PDZD2: variants seen among roughly 807,000 people sequenced by gnomAD.
The protein encoded by PDZD2 is PDZ domain containing 2, also known as PDZ domain-containing protein 2.
A neutral mutation model predicts 220.7 loss-of-function variants in PDZD2; 90 were observed. The observed-to-expected ratio is 0.41, with a 90% confidence interval of 0.34 to 0.49. PDZD2 has a LOEUF of 0.49. Ranked by LOEUF, PDZD2 falls within the 20% of genes least tolerant of loss-of-function variation. PDZD2 has a pLI of 0.28. For synonymous variants in PDZD2, 1,375 were observed against 1,450.5 expected (o/e 0.95, Z 1.18); for missense variants, 3,174 against 3,608.5 (o/e 0.88, Z 3.08).
chr5:31,932,158 T>C (rs1745353188), intron 2 of PDZD2, among the ~76,000 whole-genome samples: 1 of 152,236 alleles, frequency 6.6e-6, no homozygotes, highest in Non-Finnish European at 1.5e-5. Context: ...TCCTGTTGTT[T>C]TTAAGACCAT....
At chr5:31,648,392 A>G (rs1254301176) in intron 1 of PDZD2, among the ~76,000 whole-genome samples, 1 of 152,082 alleles carries the variant, frequency 6.6e-6, no homozygotes, top group Non-Finnish European at 1.5e-5. Flanking sequence ...GTCTCAGTAA[A>G]TGGCACCACC....
At chr5:32,051,276 A>G (rs1438058791) in intron 8 of PDZD2, among the ~76,000 whole-genome samples, 1 of 152,056 alleles carries the variant, frequency 6.6e-6, no homozygotes, top group Non-Finnish European at 1.5e-5. Flanking sequence ...AAGGGCAGTA[A>G]CCTTGCCAAG....
intron 2 of PDZD2, among the ~76,000 whole-genome samples, chr5:31,810,545 T>G (rs373028234): frequency 8.4e-4 from 128 of 152,194 alleles, no homozygotes; most frequent in African/African-American, 1.8e-3. Flanking sequence ...GATTACAGGC[T>G]TGAGCCACCA....
chr5:31,986,290 T>C (rs528032230), intron 3 of PDZD2, among the ~76,000 whole-genome samples: 1 of 152,236 alleles, frequency 6.6e-6, no homozygotes, highest in East Asian at 1.9e-4. Flanking sequence ...CATCTGGAAT[T>C]TGCATTCTTT....
rs1187997379 is a variant in PDZD2, at chr5:32,073,950, C to T, written c.2844C>T (p.Ser948=). ...CCAGACAAGCCAGTCTCCCCGGAAG[C>T]CCACAGGCCCTCCGAAACCCTCTCC... ...TVARQASLPG[S]PQALRNPLLR... Residue 948 remains serine, a synonymous_variant, in exon 18 of 25, where the codon AGC becomes AGT. Coordinates refer to ENST00000438447, the MANE Select transcript of PDZD2 (RefSeq NM_178140.4). 6.2e-7 allele frequency: 1 copy of T among 1,613,964 alleles called. No homozygotes were observed. Among genetic ancestry groups the T allele is most frequent in the Non-Finnish European group, 8.5e-7 (1 of 1,179,934 alleles).
intron 14 of PDZD2, among the ~76,000 whole-genome samples, chr5:32,062,498 A>C (rs1739782672): frequency 6.6e-6 from 1 of 151,278 alleles, no homozygotes; most frequent in Non-Finnish European, 1.5e-5. Context: ...GGTTCCAGCG[A>C]TCCTCCCACC....
chr5:32,087,488 C>A lies in PDZD2; in HGVS notation c.4040C>A (p.Ser1347Tyr), dbSNP rs141507777. 6.2e-7 allele frequency: 1 copy of A among 1,613,280 alleles called. No individual in the cohort carries two copies. The highest frequency in any genetic ancestry group is 8.5e-7 in the Non-Finnish European group (1 of 1,179,578). The change falls in exon 20 of 25, where the codon TCC (serine) becomes TAC (tyrosine). Residue 1347 changes from serine (S) to tyrosine (Y), a missense_variant. By Grantham distance (144) the Ser-to-Tyr change is moderately radical (BLOSUM62 -2). Transcript: ENST00000438447. The surrounding 1 kb of genome is among the most constrained non-coding windows in gnomAD (Gnocchi z 4.0). ...GAVLPGDPLT[S>Y]QEQRQGAPGN... Reference sequence around the variant, plus strand: ...GTCCTGCCAGGAGACCCCCTCACATCCCAGGAGCAGAGACAGGGAGCTCCA... The same window carrying A: ...GTCCTGCCAGGAGACCCCCTCACATACCAGGAGCAGAGACAGGGAGCTCCA...
Position 32,000,118 on chromosome 5 carries a change from T to C in PDZD2, c.1122-21T>C, listed in dbSNP as rs756988431. 1.2e-6 allele frequency: 2 copies of C among 1,612,778 alleles called. No individual in the cohort carries two copies. The highest frequency in any genetic ancestry group is 2.2e-5 in the South Asian group (2 of 90,928). On this transcript the variant is annotated intron_variant, in intron 4 of 24. Transcript: ENST00000438447. This position sits in a 1 kb window ranked among gnomAD's most constrained non-coding sequence, Gnocchi z 4.5. ...CAGAATGTCTTGACAAGGGATCTTT[T>C]TCCCATCTCCCTTTCCTCAGGGATG...
chr5:32,101,343 T>G (rs1744240733), intron 24 of PDZD2, 104 bp downstream of exon 24: 2 of 1,027,334 alleles, frequency 1.9e-6, no homozygotes, highest in South Asian at 3.3e-5. Context: ...AAACCTAAAC[T>G]GTTTTTAATG....
In PDZD2 at chr5:31,989,692, G is replaced by A. The variant is rs573634709; in HGVS notation, c.979-5884G>A. On this transcript the variant is annotated intron_variant, in intron 3 of 24. Coordinates refer to ENST00000438447, the MANE Select transcript of PDZD2 (RefSeq NM_178140.4). ...GCCTGCCTCGGCCTCCCAAAGTGCC[G>A]GGATTACAGGCATGAGCCACCACAC... 9.9e-5 allele frequency among the ~76,000 whole-genome samples: 15 copies of A among 152,244 alleles called. 1 individual carries two copies. Among genetic ancestry groups the A allele is most frequent in the East Asian group, 3.9e-4 (2 of 5,180 alleles).
intron 2 of PDZD2, among the ~76,000 whole-genome samples, chr5:31,866,497 G>A (rs1580936582): frequency 6.6e-6 from 1 of 152,126 alleles, no homozygotes; most frequent in African/African-American, 2.4e-5. Context: ...TGGCGTCTGG[G>A]AGGATTCGTG....
chr5:32,038,514 C>G (rs1299683987), intron 7 of PDZD2, among the ~76,000 whole-genome samples: 1 of 151,788 alleles, frequency 6.6e-6, no homozygotes, highest in Non-Finnish European at 1.5e-5. Flanking sequence ...TCCAGCCTGG[C>G]AACAGAGCAA....
At chr5:31,859,154 A>G (rs1315721244) in intron 2 of PDZD2, among the ~76,000 whole-genome samples, 2 of 151,762 alleles carry the variant, frequency 1.3e-5, no homozygotes, top group African/African-American at 4.8e-5. Context: ...AGCAGCACCC[A>G]TTCCCTAGCC....
At chr5:31,962,054 T>G (rs1748291621) in intron 2 of PDZD2, among the ~76,000 whole-genome samples, 1 of 152,244 alleles carries the variant, frequency 6.6e-6, no homozygotes, top group Non-Finnish European at 1.5e-5. Flanking sequence ...TTTGGAACTT[T>G]AGCCATATGA....
chr5:31,845,259 A>G (rs531115020), intron 2 of PDZD2, among the ~76,000 whole-genome samples: 1 of 152,324 alleles, frequency 6.6e-6, no homozygotes, highest in Admixed American at 6.5e-5. Context: ...ACAAGCCTTT[A>G]AGGTAGACGG....
intron 2 of PDZD2, among the ~76,000 whole-genome samples, chr5:31,977,293 T>A (rs1749874476): frequency 6.6e-6 from 1 of 152,220 alleles, no homozygotes. Context: ...ACCTGGAAAT[T>A]GTTTCTTCCA....
chr5:31,771,702 G>A (rs7736795), intron 1 of PDZD2, among the ~76,000 whole-genome samples: 62,265 of 152,002 alleles, frequency 0.41, 13,253 homozygotes, highest in Non-Finnish European at 0.45. Context: ...GATTGCATGA[G>A]GCCAAGGTTA....
At chr5:31,988,155 G>A (rs1392076401) in intron 3 of PDZD2, among the ~76,000 whole-genome samples, 2 of 152,046 alleles carry the variant, frequency 1.3e-5, no homozygotes, top group Admixed American at 6.6e-5. Flanking sequence ...ATACACATAG[G>A]TGCACAACAT....
chr5:32,024,110 T>C (rs889811784), intron 6 of PDZD2, among the ~76,000 whole-genome samples: 7 of 152,230 alleles, frequency 4.6e-5, no homozygotes, highest in Non-Finnish European at 8.8e-5. Flanking sequence ...GTGCAAGCAA[T>C]GATGCTGGCA....
Sources: gnomAD v4.1 joint callset for allele counts (sites outside exome capture counted in the v4.1 genomes callset) on GRCh38, gnomAD v4.1.1 for gene constraint, Gnocchi (gnomAD v3.1) non-coding constraint, MANE v1.5 for transcripts, NCBI Gene and HGNC (gene_info 2026-07-23, HGNC 2026-07-21) for gene names.